The following FLNC variants were observed in gnomAD, a reference collection of about 807,000 sequenced individuals.
FLNC encodes the protein filamin-C.
In FLNC, 91 loss-of-function variants were observed where a neutral mutation model predicts 254.3. That is an observed-to-expected ratio of 0.36 (90% confidence interval 0.30 to 0.43). The LOEUF (loss-of-function observed/expected upper bound fraction) is 0.43. Ranked by LOEUF, FLNC falls within the 20% of genes least tolerant of loss-of-function variation. The pLI is 1.00. For missense variants in FLNC, 2,853 were observed against 3,802.6 expected (o/e 0.75, Z 6.57); for synonymous variants, 1,430 against 1,577.2 (o/e 0.91, Z 2.21).
At chr7:128,849,682 C>A in intron 30 of FLNC, 104 bp downstream of exon 30, 1 of 1,439,674 alleles carries the variant, frequency 6.9e-7, no homozygotes, top group South Asian at 1.2e-5. Context: ...AATCCCACTT[C>A]TCTGAGGGCT....
chr7:128,850,870 C>T lies in FLNC; in HGVS notation c.5466C>T (p.Ile1822=). 6.2e-7 allele frequency: 1 copy of T among 1,613,666 alleles called. No homozygotes were observed. Among genetic ancestry groups the T allele is most frequent in the Non-Finnish European group, 8.5e-7 (1 of 1,179,990 alleles). Residue 1822 remains isoleucine, a synonymous_variant, in exon 33 of 48, where the codon ATC becomes ATT. Coordinates refer to ENST00000325888, the MANE Select transcript of FLNC (RefSeq NM_001458.5). ...PNITDNKDGT[I]TVRYAPTEKG... is the part of the protein sequence containing the mutation. ...TCACCGACAACAAGGACGGCACCAT[C>T]ACGGTGAGGTATGCACCCACTGAGA... is the stretch of plus-strand genomic sequence containing the variant.
At chr7:128,852,506 G>T (rs1808860910) in intron 35 of FLNC, 85 bp from the exon 36 acceptor site, 3 of 1,512,328 alleles carry the variant, frequency 2.0e-6, no homozygotes, top group Non-Finnish European at 2.7e-6. Context: ...AGTCCAGGGG[G>T]GGCTGCTCAG....
Position 128,854,439 on chromosome 7 carries a change from G to A in FLNC, c.6754G>A (p.Ala2252Thr), listed in dbSNP as rs963272191. Residue 2252 changes from alanine (A) to threonine (T), a missense_variant, in exon 41 of 48, where the codon GCA (alanine) becomes ACA (threonine). Coordinates refer to ENST00000325888, the MANE Select transcript of FLNC (RefSeq NM_001458.5). ...EGEASSQDMTAQVTSPSGKVE... is the reference protein window; with the variant it reads ...EGEASSQDMTTQVTSPSGKVE... Reference sequence around the variant, plus strand: ...TGAGGCCAGCTCTCAGGACATGACTGCACAGGTGACCAGCCCATCGGGCAA... The same window carrying A: ...TGAGGCCAGCTCTCAGGACATGACTACACAGGTGACCAGCCCATCGGGCAA... 4 of 1,610,328 alleles carry A rather than the reference G, an allele frequency of 2.5e-6. No individual in the cohort carries two copies. Among genetic ancestry groups the A allele is most frequent in the African/African-American group, 2.7e-5 (2 of 74,912 alleles).
intron 28 of FLNC, 75 bp from the exon 29 acceptor site, chr7:128,849,106 T>G: frequency 3.0e-5 from 37 of 1,215,962 alleles, no homozygotes; most frequent in Non-Finnish European, 4.1e-5. Flanking sequence ...CCCTGGCCCC[T>G]CCCTCCCTCA....
chr7:128,856,528 T>A lies in FLNC; in HGVS notation c.7262T>A (p.Leu2421His). The part of the protein sequence containing the change: ...LTVTSLQETG[L>H]KVNQPASFAV... ...CCGTGGCCTTTGCAGGAGACGGGGC[T>A]CAAGGTGAACCAGCCAGCGTCCTTT... Residue 2421 changes from leucine (L) to histidine (H), a missense_variant, in exon 44 of 48, where the codon CTC (leucine) becomes CAC (histidine). Around this residue, in one of 10 missense-constraint regions of FLNC, gnomAD observed 551 missense variants for 835.0 expected, o/e 0.66. Transcript: ENST00000325888. This position sits in a 1 kb window ranked among gnomAD's most constrained non-coding sequence, Gnocchi z 5.9. 6.2e-7 allele frequency: 1 copy of A among 1,612,426 alleles called. No individual in the cohort carries two copies.
Position 128,835,686 on chromosome 7 carries a change from GC to G in FLNC, c.601+114del. The G allele has an allele frequency of 8.1e-7, 1 of 1,240,070 alleles. No homozygotes were observed. The highest frequency in any genetic ancestry group is 1.1e-6 in the Non-Finnish European group (1 of 871,212). 76.8% of individuals were successfully genotyped at this position (1,240,070 alleles called of 1,614,324 possible). A position where few individuals can be genotyped will look rare whatever the true frequency, so the allele number is the denominator to read the frequency against. On this transcript the variant is annotated intron_variant, in intron 2 of 47. Transcript: ENST00000325888. The surrounding 1 kb of genome is among the most constrained non-coding windows in gnomAD (Gnocchi z 5.3). ...AGAATGCACACCCTGGGGCCTGGGG[GC>G]CAGGATCCCCTGCAGGGTTTGTCCT...
At chr7:128,831,355 C>T (rs1807884730) in intron 1 of FLNC, among the ~76,000 whole-genome samples, 2 of 152,250 alleles carry the variant, frequency 1.3e-5, no homozygotes, top group Non-Finnish European at 2.9e-5. Flanking sequence ...CAGTGCCTGT[C>T]ACTGATTCCT....
In FLNC at chr7:128,835,684, G is replaced by A. The variant is rs1320692067; in HGVS notation, c.601+110G>A. The A allele has an allele frequency of 4.7e-6, 6 of 1,274,826 alleles. No homozygotes were observed. Among genetic ancestry groups the A allele is most frequent in the South Asian group, 2.5e-5 (2 of 80,244 alleles). The allele number at this position is 1,274,826 out of a possible 1,614,324, so 79.0% of individuals were successfully genotyped here. ...TCAGAATGCACACCCTGGGGCCTGG[G>A]GGCCAGGATCCCCTGCAGGGTTTGT... On this transcript the variant is annotated intron_variant, in intron 2 of 47. Coordinates refer to ENST00000325888, the MANE Select transcript of FLNC (RefSeq NM_001458.5). The surrounding 1 kb of genome is among the most constrained non-coding windows in gnomAD (Gnocchi z 5.3).
chr7:128,841,707 C>A lies in FLNC; in HGVS notation c.2121+140C>A. The A allele has an allele frequency of 1.4e-6, 1 of 698,394 alleles. No homozygotes were observed. The highest frequency in any genetic ancestry group is 1.5e-5 in the South Asian group (1 of 65,360). 43.3% of individuals were successfully genotyped at this position (698,394 alleles called of 1,614,324 possible). ...CAGGCAGGACTGATACTCATGGGCC[C>A]ATCAGTACCATGGAAAATTTTAAAT... is the stretch of plus-strand genomic sequence containing the variant. On this transcript the variant is annotated intron_variant, in intron 13 of 47. Coordinates refer to ENST00000325888, the MANE Select transcript of FLNC (RefSeq NM_001458.5). This position sits in a 1 kb window ranked among gnomAD's most constrained non-coding sequence, Gnocchi z 4.3.
At position 128,844,045 on chromosome 7, in the gene FLNC, C is replaced by T. The variant is rs886037830; in HGVS notation, c.2971C>T (p.Arg991Ter). The T allele has an allele frequency of 1.9e-6, 3 of 1,614,090 alleles. No individual in the cohort carries two copies. Among genetic ancestry groups the T allele is most frequent in the Non-Finnish European group, 2.5e-6 (3 of 1,180,032 alleles). Residue 991 changes from arginine (R) to a stop codon, truncating the protein, a stop_gained, in exon 20 of 48, where the codon CGA (arginine) becomes TGA (stop). Coordinates refer to ENST00000325888, the MANE Select transcript of FLNC (RefSeq NM_001458.5). LOFTEE classifies it high-confidence loss of function. The stretch of plus-strand genomic sequence containing the variant: ...GGAACAAGCATTCTCTGTGAACACA[C>T]GAGGGGCTGGCGGTCAGGGCCAACT... ...GQEQAFSVNT[R>*]GAGGQGQLDV...
intron 37 of FLNC, 136 bp from the exon 38 acceptor site, chr7:128,853,333 C>G: frequency 8.8e-7 from 1 of 1,132,412 alleles, no homozygotes; most frequent in South Asian, 1.3e-5. Context: ...CCGCTCCTCC[C>G]ACTGAGCCAT....
chr7:128,846,972 G>C (rs1298785824), intron 24 of FLNC, 67 bp downstream of exon 24: 1 of 1,580,224 alleles, frequency 6.3e-7, no homozygotes, highest in Non-Finnish European at 8.7e-7. Context: ...CGCCCCACAA[G>C]GGGGAAACTG....
In FLNC at chr7:128,846,168, G is replaced by A. The variant is rs2128936793; in HGVS notation, c.3964+5G>A. On this transcript the variant is annotated splice_donor_5th_base_variant and intron_variant, in intron 22 of 47. Transcript: ENST00000325888. ...AGTACACCGCCTACGAGGAGGGTGA[G>A]GGCCGGTGGGCCAGGCTAGTGGGCA... The A allele has an allele frequency of 6.3e-7, 1 of 1,593,216 alleles. No individual in the cohort carries two copies. The highest frequency in any genetic ancestry group is 8.5e-7 in the Non-Finnish European group (1 of 1,170,786).
In FLNC at chr7:128,840,460, G is replaced by C. The variant is rs1054498085; in HGVS notation, c.1550-88G>C. 9 of 1,591,788 alleles carry C rather than the reference G, an allele frequency of 5.7e-6. No individual in the cohort carries two copies. In the Admixed American group the frequency reaches 1.5e-4, roughly 27 times the overall value. Reference sequence around the variant, plus strand: ...AGCACTGCCCTCGGGCTGGGTCGGGGTCCCAATGGCTCCTTGAGGGGATTG... The same window carrying C: ...AGCACTGCCCTCGGGCTGGGTCGGGCTCCCAATGGCTCCTTGAGGGGATTG... On this transcript the variant is annotated intron_variant, in intron 9 of 47. Transcript: ENST00000325888.
chr7:128,842,864 C>T lies in FLNC; in HGVS notation c.2460C>T (p.Asp820=). Residue 820 remains aspartate (D), a synonymous_variant, in exon 16 of 48, where the codon GAC becomes GAT. Transcript: ENST00000325888. This position sits in a 1 kb window ranked among gnomAD's most constrained non-coding sequence, Gnocchi z 5.4. ...CTGCAGAGGCTGACATTGACTTCGA[C>T]ATCATCAAGAATGACAACGACACCT... ...VGPAEADIDF[D]IIKNDNDTFT... is the part of the protein sequence containing the mutation. The T allele has an allele frequency of 1.9e-6, 3 of 1,614,046 alleles. No individual in the cohort carries two copies. The highest frequency in any genetic ancestry group is 2.5e-6 in the Non-Finnish European group (3 of 1,180,014).
At position 128,844,108 on chromosome 7, in the gene FLNC, C is replaced by T; in HGVS notation, c.3034C>T (p.Pro1012Ser). Residue 1012 changes from proline to serine, a missense_variant, in exon 20 of 48, where the codon CCC (proline) becomes TCC (serine). By Grantham distance (74) the Pro-to-Ser change is moderately conservative. Transcript: ENST00000325888. Reference protein sequence around the residue: ...RMTSPSRRPIPCKLEPGGGAE... With the variant: ...RMTSPSRRPISCKLEPGGGAE... ...GACTTCGCCCTCTCGCCGGCCCATC[C>T]CCTGCAAGCTGGAGCCAGGCGGTGG... 1.2e-6 allele frequency: 2 copies of T among 1,613,972 alleles called. No individual in the cohort carries two copies. The highest frequency in any genetic ancestry group is 4.5e-5 in the East Asian group (2 of 44,886).
chr7:128,857,223 C>T lies in FLNC; in HGVS notation c.7667C>T (p.Pro2556Leu), dbSNP rs1809104361. Residue 2556 changes from proline (P) to leucine (L), a missense_variant, in exon 46 of 48, where the codon CCT (proline) becomes CTT (leucine). Coordinates refer to ENST00000325888, the MANE Select transcript of FLNC (RefSeq NM_001458.5). The surrounding 1 kb of genome is among the most constrained non-coding windows in gnomAD (Gnocchi z 4.5). ...GTGCAGCTGGACTGTCGGGAGTGTC[C>T]TGAGGGCCATGTGGTCACTTATACT... ...SKVQLDCRECPEGHVVTYTPM... is the reference protein window; with the variant it reads ...SKVQLDCRECLEGHVVTYTPM... 1.9e-6 allele frequency: 3 copies of T among 1,614,126 alleles called. No homozygotes were observed. Among genetic ancestry groups the T allele is most frequent in the Non-Finnish European group, 2.5e-6 (3 of 1,179,970 alleles).
chr7:128,831,177 C>A (rs1807876880), intron 1 of FLNC, among the ~76,000 whole-genome samples, 188 bp downstream of exon 1: 1 of 152,180 alleles, frequency 6.6e-6, no homozygotes. Context: ...GCCTGCACAC[C>A]CCTCTGGGGA....
At chr7:128,852,795 C>G (rs758620953) in intron 36 of FLNC, 33 bp from the exon 37 acceptor site, 3 of 1,613,528 alleles carry the variant, frequency 1.9e-6, no homozygotes, top group Non-Finnish European at 2.5e-6. Context: ...TGGGGGCCCA[C>G]AGGATGCTCT....
Sources: gnomAD v4.1 joint callset for allele counts (sites outside exome capture counted in the v4.1 genomes callset) on GRCh38, gnomAD v4.1.1 for gene constraint, gnomAD v4.1.1 regional missense constraint, Gnocchi (gnomAD v3.1) non-coding constraint, MANE v1.5 for transcripts, NCBI Gene and HGNC (gene_info 2026-07-23, HGNC 2026-07-21) for gene names.